The following KIF11 variants were observed in gnomAD, a reference collection of about 807,000 sequenced individuals.
KIF11 encodes the protein kinesin family member 11.
A neutral mutation model predicts 121.0 loss-of-function variants in KIF11; 9 were observed. That is an observed-to-expected ratio of 0.07 (90% CI 0.04 to 0.13). KIF11 has a LOEUF of 0.13. Ranked by LOEUF, KIF11 falls within the 10% of genes least tolerant of loss-of-function variation. KIF11 has a pLI of 1.00. For synonymous variants in KIF11, 408 were observed against 421.0 expected (o/e 0.97, Z 0.38); for missense variants, 846 against 1,217.5 (o/e 0.69, Z 4.54).
chr10:92,641,097 C>T (rs1256735397), intron 17 of KIF11, among the ~76,000 whole-genome samples: 1 of 152,174 alleles, frequency 6.6e-6, no homozygotes, highest in Non-Finnish European at 1.5e-5. Context: ...GCCAGTTCCG[C>T]ATACTTAACA....
At chr10:92,597,623 T>C (rs1239824304) in intron 1 of KIF11, among the ~76,000 whole-genome samples, 2 of 150,250 alleles carry the variant, frequency 1.3e-5, no homozygotes, top group South Asian at 2.1e-4. Context: ...GATAAAGTCT[T>C]TTTTTTTCCC....
chr10:92,603,730 C>T (rs892522184), intron 1 of KIF11, among the ~76,000 whole-genome samples: 2 of 151,552 alleles, frequency 1.3e-5, no homozygotes, highest in Non-Finnish European at 2.9e-5. Context: ...TCAAGTGATT[C>T]ACCCACCTCA....
At chr10:92,651,460 C>T (rs1359996863) in intron 21 of KIF11, among the ~76,000 whole-genome samples, 19 of 149,076 alleles carry the variant, frequency 1.3e-4, no homozygotes, top group Middle Eastern at 3.6e-3. Context: ...CTCAGCCTCC[C>T]GAGTAGCCAG....
intron 21 of KIF11, among the ~76,000 whole-genome samples, chr10:92,651,484 T>TGCCACCATGCCTG (rs1844978934): frequency 2.9e-5 from 4 of 138,418 alleles, no homozygotes; most frequent in Middle Eastern, 3.8e-3. Flanking sequence ...TACAGGCATG[T>TGCCACCATGCCTG]GCCACCATGC....
chr10:92,622,003 G>A (rs994963399), intron 10 of KIF11, among the ~76,000 whole-genome samples: 2 of 152,186 alleles, frequency 1.3e-5, no homozygotes, highest in African/African-American at 4.8e-5. Flanking sequence ...GGCTGGATGT[G>A]GTGGCTCACA....
intron 1 of KIF11, among the ~76,000 whole-genome samples, chr10:92,600,042 G>C (rs894831500): frequency 2.1e-5 from 3 of 145,952 alleles, no homozygotes; most frequent in South Asian, 2.2e-4. Flanking sequence ...ATCTCGGTCT[G>C]TTGCCCAGGC....
chr10:92,637,325 T>C lies in KIF11; in HGVS notation c.2001+16T>C. On this transcript the variant is annotated intron_variant, in intron 15 of 21. Coordinates refer to ENST00000260731, the MANE Select transcript of KIF11 (RefSeq NM_004523.4). ...GGCCGATAAGGTAACAAATGCTATG[T>C]TCTTAATATCTCAAAATTGATGTGT... The C allele has an allele frequency of 1.3e-6, 2 of 1,587,724 alleles. No homozygotes were observed. The highest frequency in any genetic ancestry group is 8.5e-7 in the Non-Finnish European group (1 of 1,174,208).
intron 18 of KIF11, among the ~76,000 whole-genome samples, chr10:92,647,418 G>A (rs890903390): frequency 2.0e-5 from 3 of 152,092 alleles, no homozygotes; most frequent in Admixed American, 6.5e-5. Context: ...ACTCCAAAAG[G>A]TGTCCCAATT....
intron 12 of KIF11, among the ~76,000 whole-genome samples, chr10:92,631,004 G>A (rs997654956): frequency 1.3e-5 from 2 of 150,334 alleles, no homozygotes; most frequent in Non-Finnish European, 3.0e-5. Flanking sequence ...AGTATGTTCT[G>A]TCCAGGCATG....
At chr10:92,640,458 G>A (rs1589605280) in intron 17 of KIF11, among the ~76,000 whole-genome samples, 1 of 152,222 alleles carries the variant, frequency 6.6e-6, no homozygotes, top group East Asian at 1.9e-4. Context: ...TTGCGACGGA[G>A]TCTTGCTCTG....
chr10:92,646,034 C>T (rs1163156828), intron 18 of KIF11, among the ~76,000 whole-genome samples: 2 of 150,444 alleles, frequency 1.3e-5, no homozygotes, highest in East Asian at 4.0e-4. Context: ...TCACTGCAAC[C>T]TCCGCCTCCC....
intron 21 of KIF11, among the ~76,000 whole-genome samples, chr10:92,651,017 A>C (rs1206967853): frequency 6.6e-6 from 1 of 150,980 alleles, no homozygotes; most frequent in Non-Finnish European, 1.5e-5. Flanking sequence ...GTGTAATTAA[A>C]TCCTGTGACC....
chr10:92,594,922 C>T (rs533139276), intron 1 of KIF11, among the ~76,000 whole-genome samples: 17 of 151,858 alleles, frequency 1.1e-4, no homozygotes, highest in Admixed American at 6.6e-4. Flanking sequence ...CCTGGTGCGT[C>T]TGTCATTAAG....
rs1844388327 is a variant in KIF11 at position 92,602,857 on chromosome 10, G to GTGTGGT, written c.78-3407_78-3406insGTGGTT. Among the ~76,000 whole-genome samples, 3 of 118,082 alleles carry GTGTGGT rather than the reference G, an allele frequency of 2.5e-5. No individual in the cohort carries two copies. In the Admixed American group the frequency reaches 2.7e-4, roughly 10 times the overall value. 77.5% of individuals were successfully genotyped at this position (118,082 alleles called of 152,430 possible). A position where few individuals can be genotyped will look rare whatever the true frequency, so the allele number is the denominator to read the frequency against. On this transcript the variant is annotated intron_variant, in intron 1 of 21. Coordinates refer to ENST00000260731, the MANE Select transcript of KIF11 (RefSeq NM_004523.4). ...GTGTGTGTGTGTGTGTGTGTGTGTGGTTTTTTGTTTGTTTTGAGACTGAGT... is the reference window on the plus strand; with the variant it reads ...GTGTGTGTGTGTGTGTGTGTGTGTGGTGTGGTTTTTTTGTTTGTTTTGAGACTGAGT...
intron 3 of KIF11, 111 bp from the exon 4 acceptor site, chr10:92,607,048 A>G: frequency 1.5e-6 from 1 of 682,844 alleles, no homozygotes; most frequent in Non-Finnish European, 2.6e-6. Context: ...AAGTGTTGGG[A>G]TTATAGGCTT....
intron 12 of KIF11, among the ~76,000 whole-genome samples, 164 bp from the exon 13 acceptor site, chr10:92,632,322 C>T (rs1187529657): frequency 6.6e-6 from 1 of 151,948 alleles, no homozygotes; most frequent in Non-Finnish European, 1.5e-5. Context: ...TATGTACCAC[C>T]ACACCCAGCT....
chr10:92,602,710 C>G (rs570629507), intron 1 of KIF11, among the ~76,000 whole-genome samples: 3 of 151,812 alleles, frequency 2.0e-5, no homozygotes, highest in Non-Finnish European at 4.4e-5. Context: ...ACTGCTTTTG[C>G]TGTGTCCCGT....
intron 10 of KIF11, among the ~76,000 whole-genome samples, chr10:92,623,261 A>T (rs548789285): frequency 6.6e-6 from 1 of 152,172 alleles, no homozygotes; most frequent in African/African-American, 2.4e-5. Context: ...GGCAACCACT[A>T]ATCTGTTCAC....
At chr10:92,628,052 G>A (rs932735613) in intron 10 of KIF11, among the ~76,000 whole-genome samples, 10 of 152,138 alleles carry the variant, frequency 6.6e-5, no homozygotes, top group Non-Finnish European at 1.5e-4. Context: ...AAGTGGTGTT[G>A]GGGGACTGGT....
Sources: allele counts gnomAD v4.1 joint callset (sites outside exome capture counted in the v4.1 genomes callset), GRCh38; gene constraint gnomAD v4.1.1; transcripts MANE v1.5; gene names NCBI Gene and HGNC (gene_info 2026-07-23, HGNC 2026-07-21).